The following SCD5 variants were observed in gnomAD, a reference collection of about 807,000 sequenced individuals.
SCD5 encodes acyl-CoA-desaturase 4.
In SCD5, 20 loss-of-function variants were observed where a neutral mutation model predicts 30.4. The ratio of observed to expected loss-of-function variants is 0.66; its 90% confidence interval spans 0.46 to 0.96. SCD5 has a LOEUF of 0.96. Among genes scored for constraint, SCD5 ranks in the 40% least tolerant of loss-of-function variants. The pLI, the probability that SCD5 is intolerant of heterozygous loss-of-function variation, is 0.00. For missense variants in SCD5, 381 were observed against 443.3 expected, an observed-to-expected ratio of 0.86 and a Z score of 1.26; for synonymous variants, 173 against 176.4, an observed-to-expected ratio of 0.98 and a Z score of 0.16.
At chr4:82,735,148 T>A (rs1479584443) in intron 1 of SCD5, among the ~76,000 whole-genome samples, 2 of 152,224 alleles carry the variant, frequency 1.3e-5, no homozygotes, top group African/African-American at 4.8e-5. Flanking sequence ...TTTGTTACAA[T>A]GTTGATGAGA....
chr4:82,774,088 CAAAA>C (rs61709785), intron 1 of SCD5, among the ~76,000 whole-genome samples: 1 of 91,528 alleles, frequency 1.1e-5, no homozygotes. Flanking sequence ...GACTCCATCT[CAAAA>C]AAAAAAAAAA....
At chr4:82,793,607 A>G (rs1049688496) in intron 1 of SCD5, among the ~76,000 whole-genome samples, 2 of 152,182 alleles carry the variant, frequency 1.3e-5, no homozygotes, top group Non-Finnish European at 2.9e-5. Flanking sequence ...TCTGCTAAAG[A>G]AAAGGGGCCA....
chr4:82,758,086 C>A (rs902274127), intron 1 of SCD5, among the ~76,000 whole-genome samples: 2 of 152,170 alleles, frequency 1.3e-5, no homozygotes, highest in Non-Finnish European at 2.9e-5. Context: ...TAGAAACAAT[C>A]TGGAGGACTC....
chr4:82,750,345 A>C (rs1294605608), intron 1 of SCD5, among the ~76,000 whole-genome samples: 1 of 152,190 alleles, frequency 6.6e-6, no homozygotes, highest in African/African-American at 2.4e-5. Context: ...AGCTACCTAC[A>C]CCCTGCAGGA....
chr4:82,716,644 TCTCTA>T (rs1720234651), intron 1 of SCD5, among the ~76,000 whole-genome samples: 1 of 151,646 alleles, frequency 6.6e-6, no homozygotes, highest in Non-Finnish European at 1.5e-5. Flanking sequence ...TGAAACCCTG[TCTCTA>T]CTAAAATTAT....
chr4:82,785,633 G>C (rs915140182), intron 1 of SCD5, among the ~76,000 whole-genome samples: 6 of 152,098 alleles, frequency 3.9e-5, no homozygotes, highest in Non-Finnish European at 7.3e-5. Context: ...TCTGTCTTTT[G>C]CTGCAGGGGG....
intron 2 of SCD5, among the ~76,000 whole-genome samples, chr4:82,703,130 GC>G (rs1719889617): frequency 6.6e-6 from 1 of 152,162 alleles, no homozygotes; most frequent in Non-Finnish European, 1.5e-5. Context: ...TTCTCACTGT[GC>G]CTTCTCAGTG....
intron 3 of SCD5, among the ~76,000 whole-genome samples, chr4:82,673,709 G>A (rs1728376123): frequency 6.6e-6 from 1 of 152,084 alleles, no homozygotes; most frequent in Non-Finnish European, 1.5e-5. Flanking sequence ...CAATATTGAA[G>A]AAGAAGAACA....
intron 1 of SCD5, among the ~76,000 whole-genome samples, chr4:82,752,363 C>A (rs536114528): frequency 6.6e-6 from 1 of 151,484 alleles, no homozygotes; most frequent in Non-Finnish European, 1.5e-5. Context: ...AGCACAGGGA[C>A]GTGGGAATAG....
chr4:82,714,235 C>T (rs1720173882), intron 1 of SCD5, among the ~76,000 whole-genome samples: 1 of 152,180 alleles, frequency 6.6e-6, no homozygotes, highest in Admixed American at 6.5e-5. Context: ...TTCCCTATTC[C>T]CCTTTACAGT....
intron 3 of SCD5, among the ~76,000 whole-genome samples, chr4:82,666,485 A>G (rs542409919): frequency 6.6e-6 from 1 of 152,022 alleles, no homozygotes; most frequent in Non-Finnish European, 1.5e-5. Context: ...ACTGCACTCC[A>G]GCCTGGGAGA....
At chr4:82,659,444 T>C (rs1027881676) in intron 3 of SCD5, among the ~76,000 whole-genome samples, 1 of 152,230 alleles carries the variant, frequency 6.6e-6, no homozygotes. Context: ...TTTAGATCTT[T>C]CCTGCTTTCT....
chr4:82,785,278 G>A (rs1015082520), intron 1 of SCD5, among the ~76,000 whole-genome samples: 3 of 152,182 alleles, frequency 2.0e-5, no homozygotes, highest in Non-Finnish European at 2.9e-5. Context: ...CCTAAAAGCA[G>A]GACACAGATT....
intron 1 of SCD5, among the ~76,000 whole-genome samples, chr4:82,756,996 G>A (rs973456709): frequency 6.6e-6 from 1 of 152,094 alleles, no homozygotes; most frequent in Non-Finnish European, 1.5e-5. Context: ...CTCTCAAAGT[G>A]CTGGGATTAT....
At chr4:82,702,410 G>T (rs138799120) in intron 2 of SCD5, among the ~76,000 whole-genome samples, 1,742 of 152,034 alleles carry the variant, frequency 0.011, 39 homozygotes, top group African/African-American at 0.039. Flanking sequence ...CTCCCAAAGT[G>T]CTGGGATTAC....
chr4:82,670,929 A>G (rs1000637977), intron 3 of SCD5, among the ~76,000 whole-genome samples: 4 of 152,196 alleles, frequency 2.6e-5, no homozygotes, highest in Non-Finnish European at 5.9e-5. Flanking sequence ...TGCATCCATT[A>G]AAAGACAGAG....
chr4:82,749,390 T>C (rs1721055958), intron 1 of SCD5, among the ~76,000 whole-genome samples: 1 of 152,226 alleles, frequency 6.6e-6, no homozygotes, highest in Non-Finnish European at 1.5e-5. Context: ...TATGGCTTGC[T>C]ACAGGCAGGA....
At chr4:82,776,489 T>A (rs1721747177) in intron 1 of SCD5, among the ~76,000 whole-genome samples, 1 of 152,196 alleles carries the variant, frequency 6.6e-6, no homozygotes, top group Non-Finnish European at 1.5e-5. Flanking sequence ...CATTAGGAAC[T>A]GACTTAGAGG....
At chr4:82,656,607 C>CAT (rs1181733587) in intron 3 of SCD5, among the ~76,000 whole-genome samples, 2 of 152,170 alleles carry the variant, frequency 1.3e-5, no homozygotes, top group African/African-American at 4.8e-5. Flanking sequence ...ATCCTTTGGG[C>CAT]ATATACCCTG....
Sources: allele counts gnomAD v4.1 joint callset (sites outside exome capture counted in the v4.1 genomes callset), GRCh38; gene constraint gnomAD v4.1.1; transcripts MANE v1.5; gene names NCBI Gene and HGNC (gene_info 2026-07-23, HGNC 2026-07-21).